Variants in UST observed in about 807,000 individuals in gnomAD.
UST encodes the protein chondroitin sulfate 2-O-sulfotransferase.
UST carries 21 observed loss-of-function variants against 45.6 expected under a neutral mutation model. That is an observed-to-expected ratio of 0.46 (90% CI 0.33 to 0.66). The LOEUF (loss-of-function observed/expected upper bound fraction) is 0.66, where lower values mean the gene tolerates loss of function less well. Among genes scored for constraint, UST ranks in the 30% least tolerant of loss-of-function variants. The pLI is 0.02. For missense variants in UST, 463 were observed against 512.4 expected (o/e 0.90, Z 0.93); for synonymous variants, 215 against 200.6 (o/e 1.07, Z -0.61).
At chr6:148,759,444 A>C (rs920465304) in intron 1 of UST, among the ~76,000 whole-genome samples, 1 of 149,904 alleles carries the variant, frequency 6.7e-6, no homozygotes, top group Admixed American at 6.6e-5. Flanking sequence ...GGAGAATGTC[A>C]TGAACCCAGG....
intron 1 of UST, among the ~76,000 whole-genome samples, chr6:148,821,620 A>T (rs917123982): frequency 6.6e-6 from 1 of 152,226 alleles, no homozygotes; most frequent in Non-Finnish European, 1.5e-5. Context: ...TCTGTTCTTC[A>T]TTAGAATTTT....
intron 5 of UST, among the ~76,000 whole-genome samples, chr6:149,010,293 C>T (rs1775783968): frequency 6.6e-6 from 1 of 152,158 alleles, no homozygotes; most frequent in East Asian, 1.9e-4. Context: ...TTAGGCTCCA[C>T]GTGTTTTCCA....
At chr6:149,018,199 T>TA (rs1182345705) in intron 5 of UST, among the ~76,000 whole-genome samples, 48 of 152,134 alleles carry the variant, frequency 3.2e-4, no homozygotes, top group South Asian at 2.1e-4. Flanking sequence ...CAATTTGAAC[T>TA]AAAAAAATTG....
chr6:148,932,753 C>T (rs1779946099), intron 2 of UST, among the ~76,000 whole-genome samples: 1 of 152,154 alleles, frequency 6.6e-6, no homozygotes, highest in South Asian at 2.1e-4. Context: ...AATTCTGGTA[C>T]AGCATGCAGG....
intron 5 of UST, among the ~76,000 whole-genome samples, chr6:148,990,846 TG>T (rs1452529691): frequency 2.0e-5 from 3 of 152,112 alleles, no homozygotes; most frequent in Non-Finnish European, 4.4e-5. Context: ...GAACTAGAAG[TG>T]GAAAGAGCAG....
intron 3 of UST, among the ~76,000 whole-genome samples, chr6:148,946,430 G>A (rs1780236488): frequency 6.7e-6 from 1 of 149,102 alleles, no homozygotes; most frequent in African/African-American, 2.5e-5. Flanking sequence ...AGAATCACTT[G>A]AACCCAGGAG....
At chr6:148,944,690 A>C in intron 3 of UST, among the ~76,000 whole-genome samples, 1 of 152,238 alleles carries the variant, frequency 6.6e-6, no homozygotes, top group African/African-American at 2.4e-5. Flanking sequence ...AATACCTTTG[A>C]AGTTCATATT....
At chr6:148,941,175 C>T in intron 2 of UST, 104 bp from the exon 3 acceptor site, 1 of 1,393,448 alleles carries the variant, frequency 7.2e-7, no homozygotes, top group Non-Finnish European at 1.0e-6. Flanking sequence ...GCCTTTTTCA[C>T]TCAGATTTAT....
At chr6:149,028,443 A>G (rs766984867) in intron 7 of UST, among the ~76,000 whole-genome samples, 223 of 152,190 alleles carry the variant, frequency 1.5e-3, no homozygotes, top group Admixed American at 2.4e-3. Context: ...ACTGGACTGG[A>G]GGTTCTCTTT....
intron 1 of UST, among the ~76,000 whole-genome samples, chr6:148,867,674 A>G (rs181414962): frequency 3.7e-4 from 56 of 152,110 alleles, no homozygotes; most frequent in African/African-American, 1.3e-3. Flanking sequence ...ATCTGCCACC[A>G]TGTAAGATGT....
intron 1 of UST, among the ~76,000 whole-genome samples, chr6:148,821,077 C>A (rs1777455582): frequency 7.2e-6 from 1 of 138,396 alleles, no homozygotes; most frequent in South Asian, 2.5e-4. Context: ...TCAAGCAATT[C>A]TCCTGCCTCA....
At chr6:148,986,661 C>T (rs1022960416) in intron 5 of UST, among the ~76,000 whole-genome samples, 1 of 152,236 alleles carries the variant, frequency 6.6e-6, no homozygotes, top group Non-Finnish European at 1.5e-5. Context: ...AGCTGACTCT[C>T]CAACCTCTAT....
At chr6:148,823,082 G>A (rs1314142347) in intron 1 of UST, among the ~76,000 whole-genome samples, 1 of 152,200 alleles carries the variant, frequency 6.6e-6, no homozygotes, top group African/African-American at 2.4e-5. Flanking sequence ...CACCAGAGAG[G>A]TAGAGATAAT....
chr6:148,938,767 ATAAAG>A (rs1780066227), intron 2 of UST, among the ~76,000 whole-genome samples: 1 of 151,272 alleles, frequency 6.6e-6, no homozygotes, highest in African/African-American at 2.4e-5. Context: ...AAAATATATA[ATAAAG>A]TAGATAATAG....
At chr6:149,058,398 C>T (rs895154882) in intron 7 of UST, among the ~76,000 whole-genome samples, 13 of 150,220 alleles carry the variant, frequency 8.7e-5, no homozygotes, top group South Asian at 4.2e-4. Context: ...TATGTGCGCG[C>T]GCGTGTGTCT....
chr6:149,023,699 G>T (rs1776012267), intron 7 of UST, among the ~76,000 whole-genome samples: 1 of 152,028 alleles, frequency 6.6e-6, no homozygotes, highest in South Asian at 2.1e-4. Flanking sequence ...CCCAGCACAG[G>T]GGTTGTGGAC....
At chr6:149,024,200 G>A (rs929553348) in intron 7 of UST, among the ~76,000 whole-genome samples, 6 of 152,102 alleles carry the variant, frequency 3.9e-5, no homozygotes, top group Admixed American at 2.0e-4. Flanking sequence ...TGTTACCCCC[G>A]CCTTTTCCAA....
chr6:148,843,187 A>G (rs1156837378), intron 1 of UST, among the ~76,000 whole-genome samples: 3 of 152,250 alleles, frequency 2.0e-5, no homozygotes, highest in Non-Finnish European at 4.4e-5. Context: ...TAAAGTCCAC[A>G]TCCCCTTCTG....
At chr6:148,773,634 A>T (rs1776475750) in intron 1 of UST, among the ~76,000 whole-genome samples, 1 of 152,170 alleles carries the variant, frequency 6.6e-6, no homozygotes, top group East Asian at 1.9e-4. Context: ...GTAAATATTC[A>T]AATTCTTTCC....
Sources: allele counts gnomAD v4.1 joint callset (sites outside exome capture counted in the v4.1 genomes callset), GRCh38; gene constraint gnomAD v4.1.1; transcripts MANE v1.5; gene names NCBI Gene and HGNC (gene_info 2026-07-23, HGNC 2026-07-21).